Variants in KCNA10 observed in about 807,000 individuals in gnomAD.
The protein encoded by KCNA10 is cyclic GMP gated potassium channel.
KCNA10 carries 16 observed loss-of-function variants against 21.4 expected under a neutral mutation model. That is an observed-to-expected ratio of 0.75 (90% CI 0.51 to 1.14). KCNA10 has a LOEUF of 1.14. Among genes scored for constraint, KCNA10 ranks in the 50% most tolerant of loss-of-function variants. The pLI, the probability that KCNA10 is intolerant of heterozygous loss-of-function variation, is 0.00. For synonymous variants in KCNA10, 276 were observed against 245.9 expected (o/e 1.12, Z -1.15); for missense variants, 677 against 649.1 (o/e 1.04, Z -0.47).
Position 110,518,659 on chromosome 1 carries a change from G to T in KCNA10, c.129C>A (p.Gly43=). Residue 43 remains glycine, a synonymous_variant, in exon 1 of 1, where the codon GGC becomes GGA. Transcript: ENST00000369771. ...GGATCTTCCCGTTGGAGAAGGAGCTGCCCCCAGGCCGGCCTTTTGGGCTGG... is the reference window on the plus strand; with the variant it reads ...GGATCTTCCCGTTGGAGAAGGAGCTTCCCCCAGGCCGGCCTTTTGGGCTGG... ...DSTSPKGRPG[G]SSFSNGKILI... The T allele has an allele frequency of 6.2e-7, 1 of 1,614,204 alleles. No individual in the cohort carries two copies. The highest frequency in any genetic ancestry group is 1.1e-5 in the South Asian group (1 of 91,086).
In KCNA10 at chr1:110,518,126, A is replaced by G; in HGVS notation, c.662T>C (p.Val221Ala). The change falls in exon 1 of 1, where the codon GTC (valine) becomes GCC (alanine). Residue 221 changes from valine (V) to alanine (A), a missense_variant. Val to Ala is a moderately conservative substitution (Grantham distance 64). Coordinates refer to ENST00000369771, the MANE Select transcript of KCNA10 (RefSeq NM_005549.2). ...SSSAARAVAV[V>A]SVLVVVISIT... The stretch of plus-strand genomic sequence containing the variant: ...GGAGATGACCACAACCAACACCGAG[A>G]CCACGGCCACAGCACGGGCAGCGCT... 1 of 1,613,758 alleles carries G rather than the reference A, an allele frequency of 6.2e-7. No homozygotes were observed. Among genetic ancestry groups the G allele is most frequent in the Non-Finnish European group, 8.5e-7 (1 of 1,179,922 alleles).
rs757659529 is a variant in KCNA10 at position 110,518,287 on chromosome 1, G to T, written c.501C>A (p.Ser167=). The part of the protein sequence containing the change: ...VPIDIFADEI[S]FYELGSEAMD... ...TGGCCTCACTACCCAGCTCATAGAAGGAGATTTCATCAGCAAAGATATCAA... is the reference window on the plus strand; with the variant it reads ...TGGCCTCACTACCCAGCTCATAGAATGAGATTTCATCAGCAAAGATATCAA... The change falls in exon 1 of 1, where the codon TCC becomes TCA. Residue 167 remains serine (S), a synonymous_variant. Transcript: ENST00000369771. 3 of 1,614,212 alleles carry T rather than the reference G, an allele frequency of 1.9e-6. No individual in the cohort carries two copies. In the South Asian group the frequency reaches 3.3e-5, roughly 18 times the overall value.
At position 110,518,856 on chromosome 1, in the gene KCNA10, A is replaced by G; in HGVS notation, c.-69T>C. On this transcript the variant is annotated 5_prime_UTR_variant, in exon 1 of 1. Transcript: ENST00000369771. ...CTGCCTGCTGTGAGCTATGGAGAAGAAGAAGTTCATTATACAAGATCCAGG... is the reference window on the plus strand; with the variant it reads ...CTGCCTGCTGTGAGCTATGGAGAAGGAGAAGTTCATTATACAAGATCCAGG... 7.6e-7 allele frequency: 1 copy of G among 1,322,338 alleles called. No homozygotes were observed. The highest frequency in any genetic ancestry group is 1.5e-5 in the African/African-American group (1 of 67,448). The allele number at this position is 1,322,338 out of a possible 1,614,324, so 81.9% of individuals were successfully genotyped here.
chr1:110,518,479 G>T lies in KCNA10; in HGVS notation c.309C>A (p.Thr103=). The change falls in exon 1 of 1, where the codon ACC becomes ACA. Residue 103 remains threonine (T), a synonymous_variant. Transcript: ENST00000369771. ...AGLRFETQLR[T]LSQFPETLLG... is the part of the protein sequence containing the mutation. ...GGAGAGTCTCTGGGAACTGACTAAG[G>T]GTTCTGAGCTGGGTCTCAAATCTCA... is the stretch of plus-strand genomic sequence containing the variant. 1.9e-6 allele frequency: 3 copies of T among 1,614,196 alleles called. No homozygotes were observed. The highest frequency in any genetic ancestry group is 1.7e-6 in the Non-Finnish European group (2 of 1,180,032).
At position 110,518,711 on chromosome 1, in the gene KCNA10, G is replaced by C. The variant is rs756313014; in HGVS notation, c.77C>G (p.Pro26Arg). The C allele has an allele frequency of 6.2e-7, 1 of 1,613,182 alleles. No individual in the cohort carries two copies. The highest frequency in any genetic ancestry group is 2.2e-5 in the East Asian group (1 of 44,854). ...FDNSDEIQEE[P>R]GYATDFDSTS... ...TGAGTCGAAGTCTGTGGCATAGCCTGGCTCTTCTTGGATTTCATCTGAATT... is the reference window on the plus strand; with the variant it reads ...TGAGTCGAAGTCTGTGGCATAGCCTCGCTCTTCTTGGATTTCATCTGAATT... Residue 26 changes from proline to arginine, a missense_variant, in exon 1 of 1, where the codon CCA becomes CGA. Transcript: ENST00000369771.
chr1:110,518,389 C>G lies in KCNA10; in HGVS notation c.399G>C (p.Arg133=). ...GGATTCCATCAAAACTGGGCCGGTT[C>G]CGATCAAAGAAATACTCATTTCTCA... ...DSMRNEYFFD[R]NRPSFDGILY... is the part of the protein sequence containing the mutation. Residue 133 remains arginine (R), a synonymous_variant, in exon 1 of 1, where the codon CGG becomes CGC. Transcript: ENST00000369771. The G allele has an allele frequency of 6.2e-7, 1 of 1,614,040 alleles. No homozygotes were observed. The highest frequency in any genetic ancestry group is 8.5e-7 in the Non-Finnish European group (1 of 1,179,996).
chr1:110,517,746 C>T lies in KCNA10; in HGVS notation c.1042G>A (p.Val348Ile). The change falls in exon 1 of 1, where the codon GTC becomes ATC. Residue 348 changes from valine to isoleucine, a missense_variant. Coordinates refer to ENST00000369771, the MANE Select transcript of KCNA10 (RefSeq NM_005549.2). ...AILRIIRLVR[V>I]FRIFKLSRHS... ...CGCGAGAGCTTGAAGATGCGGAAGA[C>T]CCTCACCAGGCGGATGATCCTCAGG... is the stretch of plus-strand genomic sequence containing the variant. 1 of 1,614,166 alleles carries T rather than the reference C, an allele frequency of 6.2e-7. No homozygotes were observed. Among genetic ancestry groups the T allele is most frequent in the Non-Finnish European group, 8.5e-7 (1 of 1,180,026 alleles).
In KCNA10 at chr1:110,517,910, C is replaced by T; in HGVS notation, c.878G>A (p.Cys293Tyr). 1 of 1,613,900 alleles carries T rather than the reference C, an allele frequency of 6.2e-7. No homozygotes were observed. The highest frequency in any genetic ancestry group is 8.5e-7 in the Non-Finnish European group (1 of 1,180,020). The change falls in exon 1 of 1, where the codon TGC (cysteine) becomes TAC (tyrosine). Residue 293 changes from cysteine to tyrosine, a missense_variant. By Grantham distance (194) the Cys-to-Tyr change is radical. Transcript: ENST00000369771. Reference protein sequence around the residue: ...TFELVLRFVVCPSKTDFFRNI... With the variant: ...TFELVLRFVVYPSKTDFFRNI... ...CCTGAAGAAGTCAGTCTTGCTGGGGCAGACCACGAACCGGAGCACCAGCTC... is the reference window on the plus strand; with the variant it reads ...CCTGAAGAAGTCAGTCTTGCTGGGGTAGACCACGAACCGGAGCACCAGCTC...
chr1:110,517,243 C>G lies in KCNA10; in HGVS notation c.*9G>C, dbSNP rs760030366. On this transcript the variant is annotated 3_prime_UTR_variant, in exon 1 of 1. Coordinates refer to ENST00000369771, the MANE Select transcript of KCNA10 (RefSeq NM_005549.2). ...AGAGACAGGATGGACCCAAGAAGCCCTGGACTGATCATTTCCTAGACTTCT... is the reference window on the plus strand; with the variant it reads ...AGAGACAGGATGGACCCAAGAAGCCGTGGACTGATCATTTCCTAGACTTCT... The G allele has an allele frequency of 2.5e-6, 4 of 1,604,498 alleles. No homozygotes were observed. The Admixed American group carries it at 6.7e-5, about 27-fold the overall frequency.
In KCNA10 at chr1:110,517,480, A is replaced by C. The variant is rs371713088; in HGVS notation, c.1308T>G (p.Ile436Met). 14 of 1,614,020 alleles carry C rather than the reference A, an allele frequency of 8.7e-6. No homozygotes were observed. The highest frequency in any genetic ancestry group is 1.2e-5 in the Non-Finnish European group (14 of 1,180,024). ...DMCPTTPGGK[I>M]VGTLCAIAGV... ...CTGCAATGGCACACAGAGTGCCCACAATCTTCCCCCCTGGGGTGGTCGGGC... is the reference window on the plus strand; with the variant it reads ...CTGCAATGGCACACAGAGTGCCCACCATCTTCCCCCCTGGGGTGGTCGGGC... Residue 436 changes from isoleucine to methionine, a missense_variant, in exon 1 of 1, where the codon ATT (isoleucine) becomes ATG (methionine). Ile to Met is a conservative substitution (Grantham distance 10, BLOSUM62 1). Transcript: ENST00000369771.
In KCNA10 at chr1:110,518,639, T is replaced by C. The variant is rs753324321; in HGVS notation, c.149A>G (p.Lys50Arg). Residue 50 changes from lysine to arginine, a missense_variant, in exon 1 of 1, where the codon AAG becomes AGG. Lys to Arg is a conservative substitution (Grantham distance 26). Coordinates refer to ENST00000369771, the MANE Select transcript of KCNA10 (RefSeq NM_005549.2). The part of the protein sequence containing the change: ...RPGGSSFSNG[K>R]ILISESTNHE... ...GTTGGTGCTTTCGCTGATGAGGATCTTCCCGTTGGAGAAGGAGCTGCCCCC... is the reference window on the plus strand; with the variant it reads ...GTTGGTGCTTTCGCTGATGAGGATCCTCCCGTTGGAGAAGGAGCTGCCCCC... 1 of 1,614,198 alleles carries C rather than the reference T, an allele frequency of 6.2e-7. No individual in the cohort carries two copies. The highest frequency in any genetic ancestry group is 8.5e-7 in the Non-Finnish European group (1 of 1,180,022).
In KCNA10 at chr1:110,518,849, G is replaced by T; in HGVS notation, c.-62C>A. ...GCCTTCACTGCCTGCTGTGAGCTATGGAGAAGAAGAAGTTCATTATACAAG... is the reference window on the plus strand; with the variant it reads ...GCCTTCACTGCCTGCTGTGAGCTATTGAGAAGAAGAAGTTCATTATACAAG... On this transcript the variant is annotated 5_prime_UTR_variant, in exon 1 of 1. Coordinates refer to ENST00000369771, the MANE Select transcript of KCNA10 (RefSeq NM_005549.2). The T allele has an allele frequency of 7.4e-7, 1 of 1,353,812 alleles. No individual in the cohort carries two copies. The highest frequency in any genetic ancestry group is 9.9e-7 in the Non-Finnish European group (1 of 1,006,432). The allele number at this position is 1,353,812 out of a possible 1,614,324, so 83.9% of individuals were successfully genotyped here.
Position 110,518,733 on chromosome 1 carries a change from A to C in KCNA10, c.55T>G (p.Ser19Ala), listed in dbSNP as rs1557707104. 1.2e-6 allele frequency: 2 copies of C among 1,609,326 alleles called. No individual in the cohort carries two copies. The highest frequency in any genetic ancestry group is 2.2e-5 in the South Asian group (2 of 90,728). The change falls in exon 1 of 1, where the codon TCA becomes GCA. Residue 19 changes from serine to alanine, a missense_variant. By Grantham distance (99) the Ser-to-Ala change is moderately conservative (BLOSUM62 1). Coordinates refer to ENST00000369771, the MANE Select transcript of KCNA10 (RefSeq NM_005549.2). Reference sequence around the variant, plus strand: ...CCTGGCTCTTCTTGGATTTCATCTGAATTATCAAAATTGACCAGCGCAACC... The same window carrying C: ...CCTGGCTCTTCTTGGATTTCATCTGCATTATCAAAATTGACCAGCGCAACC... Reference protein sequence around the residue: ...MEVALVNFDNSDEIQEEPGYA... With the variant: ...MEVALVNFDNADEIQEEPGYA...
rs1647274489 is a variant in KCNA10, at chr1:110,518,116, C to A, written c.672G>T (p.Leu224Phe). 3.1e-6 allele frequency: 5 copies of A among 1,613,548 alleles called. No individual in the cohort carries two copies. Among genetic ancestry groups the A allele is most frequent in the South Asian group, 2.2e-5 (2 of 91,010 alleles). Reference protein sequence around the residue: ...AARAVAVVSVLVVVISITIFC... With the variant: ...AARAVAVVSVFVVVISITIFC... Reference sequence around the variant, plus strand: ...AGATGGTGATGGAGATGACCACAACCAACACCGAGACCACGGCCACAGCAC... The same window carrying A: ...AGATGGTGATGGAGATGACCACAACAAACACCGAGACCACGGCCACAGCAC... Residue 224 changes from leucine to phenylalanine, a missense_variant, in exon 1 of 1, where the codon TTG becomes TTT. Physicochemically the swap from Leu to Phe is conservative, Grantham distance 22. Transcript: ENST00000369771.
Position 110,518,119 on chromosome 1 carries a change from C to CA in KCNA10, c.668dup (p.Leu224ValfsTer22). 1.9e-6 allele frequency: 3 copies of CA among 1,613,784 alleles called. No homozygotes were observed. The highest frequency in any genetic ancestry group is 1.1e-5 in the South Asian group (1 of 91,018). ...TGGTGATGGAGATGACCACAACCAACACCGAGACCACGGCCACAGCACGGG... is the reference window on the plus strand; with the variant it reads ...TGGTGATGGAGATGACCACAACCAACAACCGAGACCACGGCCACAGCACGGG... On this transcript the variant is annotated frameshift_variant, in exon 1 of 1. Transcript: ENST00000369771. LOFTEE classifies it high-confidence loss of function.
chr1:110,517,765 C>T lies in KCNA10; in HGVS notation c.1023G>A (p.Arg341=), dbSNP rs1196195786. ...GGAAGACCCTCACCAGGCGGATGATCCTCAGGATGGCCAGGGACATGTTCT... is the reference window on the plus strand; with the variant it reads ...GGAAGACCCTCACCAGGCGGATGATTCTCAGGATGGCCAGGGACATGTTCT... ...AQQNMSLAIL[R]IIRLVRVFRI... The change falls in exon 1 of 1, where the codon AGG becomes AGA. Residue 341 remains arginine (R), a synonymous_variant. Coordinates refer to ENST00000369771, the MANE Select transcript of KCNA10 (RefSeq NM_005549.2). 2 of 1,614,126 alleles carry T rather than the reference C, an allele frequency of 1.2e-6. No individual in the cohort carries two copies. Among genetic ancestry groups the T allele is most frequent in the East Asian group, 2.2e-5 (1 of 44,856 alleles).
In KCNA10 at chr1:110,518,803, G is replaced by C. The variant is rs1363072936; in HGVS notation, c.-16C>G. On this transcript the variant is annotated 5_prime_UTR_variant, in exon 1 of 1. Transcript: ENST00000369771. ...ACACATCCATTCTAGGGGAGCCAGG[G>C]AAGAAGCATGAAGATCCTCAGCCTT... The C allele has an allele frequency of 6.7e-7, 1 of 1,502,682 alleles. No homozygotes were observed. The highest frequency in any genetic ancestry group is 1.3e-5 in the South Asian group (1 of 75,588). 93.1% of individuals were successfully genotyped at this position (1,502,682 alleles called of 1,614,324 possible). A position where few individuals can be genotyped will look rare whatever the true frequency, so the allele number is the denominator to read the frequency against.
rs764239106 is a variant in KCNA10 at position 110,517,354 on chromosome 1, T to C, written c.1434A>G (p.Gly478=). 1 of 1,614,188 alleles carries C rather than the reference T, an allele frequency of 6.2e-7. No individual in the cohort carries two copies. The highest frequency in any genetic ancestry group is 8.5e-7 in the Non-Finnish European group (1 of 1,180,026). Residue 478 remains glycine (G), a synonymous_variant, in exon 1 of 1, where the codon GGA becomes GGG. Coordinates refer to ENST00000369771, the MANE Select transcript of KCNA10 (RefSeq NM_005549.2). ...TENEEKQNIP[G]EIERILNSVG... ...CACTGTTGAGGATTCTTTCAATTTC[T>C]CCTGGGATGTTCTGCTTTTCTTCAT...
rs774028773 is a variant in KCNA10, at chr1:110,518,541, C to G, written c.247G>C (p.Glu83Gln). Residue 83 changes from glutamate to glutamine, a missense_variant, in exon 1 of 1, where the codon GAA becomes CAA. By Grantham distance (29) the Glu-to-Gln change is conservative. Transcript: ENST00000369771. ...TTGATGATCACCCGCTGGTTTCCTTCATTTAGGACCACTGGCTCAGGCCCT... is the reference window on the plus strand; with the variant it reads ...TTGATGATCACCCGCTGGTTTCCTTGATTTAGGACCACTGGCTCAGGCCCT... ...PPGPEPVVLN[E>Q]GNQRVIINIA... 1.2e-6 allele frequency: 2 copies of G among 1,614,158 alleles called. No homozygotes were observed. Among genetic ancestry groups the G allele is most frequent in the East Asian group, 4.5e-5 (2 of 44,880 alleles).
Sources: allele counts gnomAD v4.1 joint callset, GRCh38; gene constraint gnomAD v4.1.1; transcripts MANE v1.5; gene names NCBI Gene and HGNC (gene_info 2026-07-23, HGNC 2026-07-21).